Variants in FBXO8 observed in about 807,000 individuals in gnomAD.
The protein encoded by FBXO8 is F-box only protein 8.
In FBXO8, 15 loss-of-function variants were observed where a neutral mutation model predicts 33.4. The ratio of observed to expected loss-of-function variants is 0.45; its 90% CI spans 0.30 to 0.69. FBXO8 has a LOEUF of 0.69. Ranked by LOEUF, FBXO8 falls within the 30% of genes least tolerant of loss-of-function variation. FBXO8 has a pLI of 0.08. For missense variants in FBXO8, 274 were observed against 380.3 expected (o/e 0.72, Z 2.32); for synonymous variants, 132 against 131.5 (o/e 1.00, Z -0.02).
chr4:174,248,759 C>T (rs902657465), intron 3 of FBXO8, among the ~76,000 whole-genome samples: 1 of 151,960 alleles, frequency 6.6e-6, no homozygotes, highest in African/African-American at 2.4e-5. Context: ...GCAAGGATTT[C>T]AGCTAGAATG....
chr4:174,258,304 C>G (rs1306021839), intron 3 of FBXO8, among the ~76,000 whole-genome samples: 4 of 151,852 alleles, frequency 2.6e-5, no homozygotes. Flanking sequence ...TAATAAAAGG[C>G]ATGAGAAAAA....
Position 174,270,810 on chromosome 4 carries a change from T to C in FBXO8, c.-8-7710A>G, listed in dbSNP as rs1395000568. ...TTTGTATTTTTAGTAGAGACGGAGTTTCACCATGTTGGCCAGGATGGTCTA... is the reference window on the plus strand; with the variant it reads ...TTTGTATTTTTAGTAGAGACGGAGTCTCACCATGTTGGCCAGGATGGTCTA... On this transcript the variant is annotated intron_variant, in intron 1 of 5. Coordinates refer to ENST00000393674, the MANE Select transcript of FBXO8 (RefSeq NM_012180.3). The surrounding 1 kb of genome is among the most constrained non-coding windows in gnomAD (Gnocchi z 4.6). Among the ~76,000 whole-genome samples, 3 of 152,120 alleles carry C rather than the reference T, an allele frequency of 2.0e-5. No individual in the cohort carries two copies. Among genetic ancestry groups the C allele is most frequent in the Non-Finnish European group, 2.9e-5 (2 of 68,022 alleles).
At chr4:174,268,502 G>C (rs1441724801) in intron 1 of FBXO8, among the ~76,000 whole-genome samples, 2 of 152,022 alleles carry the variant, frequency 1.3e-5, no homozygotes, top group Non-Finnish European at 1.5e-5. Context: ...GCGCGATCTC[G>C]GCTCACTGCA....
chr4:174,243,715 A>G (rs956580493), intron 3 of FBXO8, among the ~76,000 whole-genome samples: 1 of 151,308 alleles, frequency 6.6e-6, no homozygotes, highest in Non-Finnish European at 1.5e-5. Flanking sequence ...ACCACATAGC[A>G]TATCAGTGAC....
In FBXO8 at chr4:174,246,786, C is replaced by T. The variant is rs62335794; in HGVS notation, c.457-5568G>A. Among the ~76,000 whole-genome samples the T allele has an allele frequency of 9.2e-3, 1,392 of 151,926 alleles. 18 individuals are homozygous for T. The highest frequency in any genetic ancestry group is 0.014 in the Non-Finnish European group (936 of 67,924). ...AGCCTGGGGGACAGCACAGTAGCAC[C>T]GGCTCAGAGACAGCTACAGTAAGAA... On this transcript the variant is annotated intron_variant, in intron 3 of 5. Coordinates refer to ENST00000393674, the MANE Select transcript of FBXO8 (RefSeq NM_012180.3).
chr4:174,246,572 TA>T (rs1736161576), intron 3 of FBXO8, among the ~76,000 whole-genome samples: 1 of 149,324 alleles, frequency 6.7e-6, no homozygotes, highest in African/African-American at 2.5e-5. Flanking sequence ...ATGGCAAAAT[TA>T]AAGGGAAAAA....
rs995332697 is a variant in FBXO8, at chr4:174,277,531, T to C, written c.-9+5879A>G. On this transcript the variant is annotated intron_variant, in intron 1 of 5. Coordinates refer to ENST00000393674, the MANE Select transcript of FBXO8 (RefSeq NM_012180.3). This position sits in a 1 kb window ranked among gnomAD's most constrained non-coding sequence, Gnocchi z 4.9. Reference sequence around the variant, plus strand: ...CATATAAAATCTACACAGGGAAAGATGGCAAGAATAGAAAGGAGTCCGGAT... The same window carrying C: ...CATATAAAATCTACACAGGGAAAGACGGCAAGAATAGAAAGGAGTCCGGAT... 9.2e-5 allele frequency among the ~76,000 whole-genome samples: 14 copies of C among 152,166 alleles called. No individual in the cohort carries two copies. The highest frequency in any genetic ancestry group is 3.4e-4 in the African/African-American group (14 of 41,462).
Position 174,237,699 on chromosome 4 carries a change from A to G in FBXO8, c.773-100T>C. 1 of 1,002,698 alleles carries G rather than the reference A, an allele frequency of 1.0e-6. No individual in the cohort carries two copies. Among genetic ancestry groups the G allele is most frequent in the Non-Finnish European group, 1.4e-6 (1 of 692,418 alleles). The allele number at this position is 1,002,698 out of a possible 1,614,324, so 62.1% of individuals were successfully genotyped here. ...AAAATGTTCATAATTTCAAGATATC[A>G]AGATTAGCTCATAAATACAGAGTGA... On this transcript the variant is annotated intron_variant, in intron 5 of 5. Transcript: ENST00000393674. The surrounding 1 kb of genome is among the most constrained non-coding windows in gnomAD (Gnocchi z 4.4).
rs1251958191 is a variant in FBXO8, at chr4:174,277,218, G to A, written c.-9+6192C>T. On this transcript the variant is annotated intron_variant, in intron 1 of 5. Transcript: ENST00000393674. The surrounding 1 kb of genome is among the most constrained non-coding windows in gnomAD (Gnocchi z 4.9). ...GAAGATCGTTACATTTCTAAGAGAT[G>A]GTATTTTTGACTACTATGTTTTGTT... Among the ~76,000 whole-genome samples the A allele has an allele frequency of 1.3e-5, 2 of 151,802 alleles. No individual in the cohort carries two copies. The highest frequency in any genetic ancestry group is 1.9e-4 in the East Asian group (1 of 5,186).
Position 174,259,587 on chromosome 4 carries a change from A to G in FBXO8, c.456+112T>C. ...AAAATATTGGTTTTCTCAGTGATCA[A>G]AAAAGCATGTTCAATGACTTTTTGT... is the stretch of plus-strand genomic sequence containing the variant. On this transcript the variant is annotated intron_variant, in intron 3 of 5. Coordinates refer to ENST00000393674, the MANE Select transcript of FBXO8 (RefSeq NM_012180.3). The surrounding 1 kb of genome is among the most constrained non-coding windows in gnomAD (Gnocchi z 4.3). The G allele has an allele frequency of 7.2e-7, 1 of 1,381,732 alleles. No homozygotes were observed. Among genetic ancestry groups the G allele is most frequent in the Non-Finnish European group, 1.0e-6 (1 of 1,003,600 alleles). The allele number at this position is 1,381,732 out of a possible 1,614,324, so 85.6% of individuals were successfully genotyped here. A position where few individuals can be genotyped will look rare whatever the true frequency, so the allele number is the denominator to read the frequency against.
intron 1 of FBXO8, chr4:174,269,292 G>GA (rs1736774791): frequency 4.0e-5 from 6 of 151,158 alleles, no homozygotes; most frequent in Admixed American, 4.0e-4. Context: ...TTTCAAAGTT[G>GA]AAACTCTTCC....
chr4:174,282,560 G>C (rs1022327079), intron 1 of FBXO8, among the ~76,000 whole-genome samples: 14 of 152,046 alleles, frequency 9.2e-5, no homozygotes, highest in African/African-American at 3.4e-4. Context: ...TATCATTTTC[G>C]TGAAGGGTAG....
rs971372089 is a variant in FBXO8, at chr4:174,255,505, A to G, written c.456+4194T>C. 6.6e-6 allele frequency among the ~76,000 whole-genome samples: 1 copy of G among 152,020 alleles called. No individual in the cohort carries two copies. Among genetic ancestry groups the G allele is most frequent in the Non-Finnish European group, 1.5e-5 (1 of 67,974 alleles). ...TAGGTCAAATTTAAAATATTTTTAT[A>G]ATAGATTATTTAGTAAAATGTATAA... On this transcript the variant is annotated intron_variant, in intron 3 of 5. Coordinates refer to ENST00000393674, the MANE Select transcript of FBXO8 (RefSeq NM_012180.3). This position sits in a 1 kb window ranked among gnomAD's most constrained non-coding sequence, Gnocchi z 4.3.
intron 3 of FBXO8, among the ~76,000 whole-genome samples, chr4:174,246,678 G>A (rs1247182567): frequency 6.6e-6 from 1 of 151,946 alleles, no homozygotes; most frequent in Non-Finnish European, 1.5e-5. Context: ...TGATGTGCGG[G>A]AGATTTTGCT....
chr4:174,248,580 G>A (rs75977331), intron 3 of FBXO8, among the ~76,000 whole-genome samples: 1 of 152,066 alleles, frequency 6.6e-6, no homozygotes, highest in Non-Finnish European at 1.5e-5. Flanking sequence ...ACTGAAGTGG[G>A]AGAATTAACA....
chr4:174,249,809 A>G (rs1257106005), intron 3 of FBXO8, among the ~76,000 whole-genome samples: 1 of 152,044 alleles, frequency 6.6e-6, no homozygotes, highest in Non-Finnish European at 1.5e-5. Flanking sequence ...CTACTGAAAC[A>G]AAATGTTACT....
intron 1 of FBXO8, among the ~76,000 whole-genome samples, chr4:174,264,791 T>C (rs965278040): frequency 1.5e-5 from 2 of 131,024 alleles, no homozygotes; most frequent in Non-Finnish European, 3.3e-5. Context: ...ACAAATAAAA[T>C]TCTTAAAAAA....
At chr4:174,282,630 G>A (rs1036067958) in intron 1 of FBXO8, among the ~76,000 whole-genome samples, 2 of 152,074 alleles carry the variant, frequency 1.3e-5, no homozygotes, top group African/African-American at 4.8e-5. Context: ...ATTAAAAGAA[G>A]GAAGAGGAAA....
At chr4:174,240,300 G>A (rs530244919) in intron 4 of FBXO8, among the ~76,000 whole-genome samples, 1 of 151,818 alleles carries the variant, frequency 6.6e-6, no homozygotes, top group South Asian at 2.1e-4. Context: ...GACAGGGACT[G>A]TATCTTAATC....
Sources: allele counts gnomAD v4.1 joint callset (sites outside exome capture counted in the v4.1 genomes callset), GRCh38; gene constraint gnomAD v4.1.1; non-coding constraint Gnocchi (gnomAD v3.1); transcripts MANE v1.5; gene names NCBI Gene and HGNC (gene_info 2026-07-23, HGNC 2026-07-21).